ARHGEF10L: variants seen among roughly 807,000 people sequenced by gnomAD.
ARHGEF10L encodes rho guanine nucleotide exchange factor 10-like protein.
In ARHGEF10L, 69 loss-of-function variants were observed where a neutral mutation model predicts 141.2. That is an observed-to-expected ratio of 0.49 (90% CI 0.40 to 0.60). The LOEUF is 0.60. ARHGEF10L is among the 20% of genes least tolerant of loss of function. The pLI is 0.00. For missense variants in ARHGEF10L, 1,482 were observed against 1,734.3 expected (o/e 0.85, Z 2.58); for synonymous variants, 711 against 718.5 (o/e 0.99, Z 0.17).
At position 17,567,330 on chromosome 1, in the gene ARHGEF10L, A is replaced by G. The variant is rs1446221203; in HGVS notation, c.-43-13223A>G. Among the ~76,000 whole-genome samples the G allele has an allele frequency of 1.3e-5, 2 of 152,054 alleles. 1 individual carries two copies. Among genetic ancestry groups the G allele is most frequent in the East Asian group, 3.9e-4 (2 of 5,184 alleles). The stretch of plus-strand genomic sequence containing the variant: ...TGGGGACATGCTGGTGGATCATTGA[A>G]GGTTTGCTGCCTGGAGGGGTTTGCT... On this transcript the variant is annotated intron_variant, in intron 1 of 28. Coordinates refer to ENST00000361221, the MANE Select transcript of ARHGEF10L (RefSeq NM_018125.4).
intron 1 of ARHGEF10L, among the ~76,000 whole-genome samples, chr1:17,551,226 T>C (rs1214112826): frequency 6.6e-6 from 1 of 152,194 alleles, no homozygotes; most frequent in Non-Finnish European, 1.5e-5. Flanking sequence ...ACCTACTGAA[T>C]GCTGTGCACT....
rs1299618355 is a variant in ARHGEF10L at position 17,634,837 on chromosome 1, G to T, written c.1748G>T (p.Gly583Val). 9 of 1,612,314 alleles carry T rather than the reference G, an allele frequency of 5.6e-6. No individual in the cohort carries two copies. Among genetic ancestry groups the T allele is most frequent in the African/African-American group, 2.7e-5 (2 of 74,916 alleles). Residue 583 changes from glycine (G) to valine (V), a missense_variant and splice_region_variant, in exon 18 of 29, where the codon GGC (glycine) becomes GTC (valine). This residue lies in a region of ARHGEF10L where 858 missense variants were observed against 966.3 expected (regional missense o/e 0.89). Transcript: ENST00000361221. Reference sequence around the variant, plus strand: ...CCTTGTCCTCTCTGTTCCAACAGGGGCCAGCTGGAGATCAGCAGCCTGGTG... The same window carrying T: ...CCTTGTCCTCTCTGTTCCAACAGGGTCCAGCTGGAGATCAGCAGCCTGGTG... ...NINFKPANHRGQLEISSLVPL... is the reference protein window; with the variant it reads ...NINFKPANHRVQLEISSLVPL...
intron 25 of ARHGEF10L, among the ~76,000 whole-genome samples, chr1:17,657,638 T>G (rs1055468650): frequency 2.0e-5 from 3 of 152,118 alleles, no homozygotes; most frequent in African/African-American, 7.2e-5. Flanking sequence ...CACTTGGCAC[T>G]GTGTTGGTAT....
chr1:17,530,387 T>A, the ARHGEF10L span, among the ~76,000 whole-genome samples: 1 of 152,170 alleles, frequency 6.6e-6, no homozygotes, highest in Non-Finnish European at 1.5e-5. Context: ...AGTTTCCTCA[T>A]CTGCAGAATA....
intron 18 of ARHGEF10L, 135 bp downstream of exon 18, chr1:17,635,151 C>T (rs1291551542): frequency 1.3e-5 from 15 of 1,145,526 alleles, no homozygotes; most frequent in African/African-American, 1.6e-5. Flanking sequence ...CCAGGAAGCT[C>T]TTGCTGGTTT....
At chr1:17,524,094 C>A in the ARHGEF10L span, among the ~76,000 whole-genome samples, 2 of 151,878 alleles carry the variant, frequency 1.3e-5, no homozygotes, top group Non-Finnish European at 2.9e-5. Flanking sequence ...GTGAACATGG[C>A]GAAACCTCAT....
chr1:17,538,613 A>AG (rs2076616579), upstream of ARHGEF10L, among the ~76,000 whole-genome samples: 2 of 142,278 alleles, frequency 1.4e-5, no homozygotes, highest in South Asian at 4.5e-4. Context: ...ATGAGCTCCG[A>AG]GGGGGCGGGG....
Position 17,621,866 on chromosome 1 carries a change from G to C in ARHGEF10L, c.945G>C (p.Val315=). ...PMPEGLSPQQ[V]VRRHILGSIV... is the part of the protein sequence containing the mutation. ...ACCGTGCTTTTTGGCCCGAGCAGGT[G>C]GTCCGGAGGCATATCCTGGGCTCCA... The change falls in exon 11 of 29, where the codon GTG becomes GTC. Residue 315 remains valine (V), a splice_region_variant and synonymous_variant. Transcript: ENST00000361221. This position sits in a 1 kb window ranked among gnomAD's most constrained non-coding sequence, Gnocchi z 4.1. 1 of 1,614,148 alleles carries C rather than the reference G, an allele frequency of 6.2e-7. No individual in the cohort carries two copies. The highest frequency in any genetic ancestry group is 8.5e-7 in the Non-Finnish European group (1 of 1,180,028).
At chr1:17,513,837 G>A in the ARHGEF10L span, among the ~76,000 whole-genome samples, 14 of 151,786 alleles carry the variant, frequency 9.2e-5, no homozygotes, top group East Asian at 1.7e-3. Context: ...ACGGAGTTTC[G>A]CTCTTTTGTT....
At position 17,639,570 on chromosome 1, in the gene ARHGEF10L, T is replaced by C. The variant is rs1423716452; in HGVS notation, c.2172-632T>C. On this transcript the variant is annotated intron_variant, in intron 20 of 28. Transcript: ENST00000361221. The surrounding 1 kb of genome is among the most constrained non-coding windows in gnomAD (Gnocchi z 4.3). ...TCCCTTCCTCCATCTCCCTTCTCTC[T>C]GCCTCTCATTCTCCACGTGCACCCT... Among the ~76,000 whole-genome samples the C allele has an allele frequency of 6.6e-6, 1 of 152,132 alleles. No individual in the cohort carries two copies.
chr1:17,637,639 C>T (rs1221025469), intron 18 of ARHGEF10L, among the ~76,000 whole-genome samples: 1 of 152,148 alleles, frequency 6.6e-6, no homozygotes, highest in Non-Finnish European at 1.5e-5. Flanking sequence ...GCTGGTACTA[C>T]AGGTGCCCGC....
chr1:17,658,922 G>C (rs546025934), intron 25 of ARHGEF10L, among the ~76,000 whole-genome samples: 1 of 152,314 alleles, frequency 6.6e-6, no homozygotes, highest in African/African-American at 2.4e-5. Flanking sequence ...GTTCTTGGTA[G>C]AGGGAACAGT....
At chr1:17,680,082 C>T (rs1402004695) in intron 26 of ARHGEF10L, among the ~76,000 whole-genome samples, 1 of 152,044 alleles carries the variant, frequency 6.6e-6, no homozygotes, top group African/African-American at 2.4e-5. Flanking sequence ...CCACCCTGCC[C>T]CTGCCCCTGC....
intron 22 of ARHGEF10L, among the ~76,000 whole-genome samples, chr1:17,649,017 C>T (rs1029306879): frequency 2.0e-5 from 3 of 152,206 alleles, no homozygotes; most frequent in African/African-American, 2.4e-5. Context: ...CTTTGTGGTT[C>T]GCCAGGCGGG....
chr1:17,578,791 T>C (rs979268731), intron 1 of ARHGEF10L, among the ~76,000 whole-genome samples: 13 of 152,194 alleles, frequency 8.5e-5, no homozygotes, highest in African/African-American at 3.1e-4. Flanking sequence ...GGGGTTGATT[T>C]CTATGTATTA....
In ARHGEF10L at chr1:17,697,421, A is replaced by T. The variant is rs374127223; in HGVS notation, c.*41A>T. On this transcript the variant is annotated 3_prime_UTR_variant, in exon 29 of 29. Coordinates refer to ENST00000361221, the MANE Select transcript of ARHGEF10L (RefSeq NM_018125.4). The surrounding 1 kb of genome is among the most constrained non-coding windows in gnomAD (Gnocchi z 4.8). ...CTCAGAGGGCACAGCTGCAGGCCTG[A>T]CCAAGGCCACGCCCGGCTCTCGTGC... The T allele has an allele frequency of 2.6e-6, 4 of 1,543,512 alleles. No individual in the cohort carries two copies. Among genetic ancestry groups the T allele is most frequent in the Non-Finnish European group, 3.5e-6 (4 of 1,143,542 alleles).
chr1:17,695,652 G>A (rs1175099306), intron 28 of ARHGEF10L, among the ~76,000 whole-genome samples: 6 of 152,176 alleles, frequency 3.9e-5, no homozygotes, highest in South Asian at 4.1e-4. Context: ...CGGCCTGCTC[G>A]TGGGGTCCAT....
At chr1:17,679,564 C>T (rs900914026) in intron 26 of ARHGEF10L, among the ~76,000 whole-genome samples, 6 of 152,178 alleles carry the variant, frequency 3.9e-5, no homozygotes, top group Admixed American at 6.5e-5. Flanking sequence ...TCCTAAGCAG[C>T]GCGACTTTGC....
intron 25 of ARHGEF10L, among the ~76,000 whole-genome samples, chr1:17,662,515 C>T (rs950740176): frequency 2.0e-5 from 3 of 152,150 alleles, no homozygotes; most frequent in Non-Finnish European, 2.9e-5. Context: ...GCAGAGCGCT[C>T]TGTGTGCCTG....
Sources: allele counts gnomAD v4.1 joint callset (sites outside exome capture counted in the v4.1 genomes callset), GRCh38; gene constraint gnomAD v4.1.1; regional missense constraint gnomAD v4.1.1; non-coding constraint Gnocchi (gnomAD v3.1); transcripts MANE v1.5; gene names NCBI Gene and HGNC (gene_info 2026-07-23, HGNC 2026-07-21).